SMCO2: variants seen among roughly 807,000 people sequenced by gnomAD.
SMCO2 encodes single-pass membrane and coiled-coil domain-containing protein 2.
A neutral mutation model predicts 29.5 loss-of-function variants in SMCO2; 25 were observed. The observed-to-expected ratio is 0.85, with a 90% CI of 0.62 to 1.18. The LOEUF is 1.18. Among genes scored for constraint, SMCO2 ranks in the 50% most tolerant of loss-of-function variants. SMCO2 has a pLI of 0.00. For synonymous variants in SMCO2, 117 were observed against 123.3 expected (o/e 0.95, Z 0.34); for missense variants, 348 against 344.5 (o/e 1.01, Z -0.08).
chr12:27,497,481 C>A, intron 7 of SMCO2: 1 of 194,936 alleles, frequency 5.1e-6, no homozygotes, highest in South Asian at 1.1e-4. Flanking sequence ...TAGCTCATGC[C>A]TATAATCCAA....
chr12:27,434,832 G>A, the SMCO2 span, among the ~76,000 whole-genome samples: 1 of 152,082 alleles, frequency 6.6e-6, no homozygotes, highest in Non-Finnish European at 1.5e-5. Context: ...GAGATGGAAG[G>A]GGTGTCCCAC....
chr12:27,435,930 T>C, the SMCO2 span, among the ~76,000 whole-genome samples: 1 of 152,230 alleles, frequency 6.6e-6, no homozygotes, highest in South Asian at 2.1e-4. Context: ...AAAAATACCA[T>C]AGACTAGATT....
At chr12:27,465,703 C>T (rs1949493676), upstream of SMCO2, among the ~76,000 whole-genome samples, 1 of 152,214 alleles carries the variant, frequency 6.6e-6, no homozygotes, top group Admixed American at 6.5e-5. Flanking sequence ...TCACCTGGTG[C>T]CTTTAACTTC....
the SMCO2 span, among the ~76,000 whole-genome samples, chr12:27,431,944 A>G: frequency 1.3e-5 from 2 of 152,000 alleles, no homozygotes; most frequent in African/African-American, 2.4e-5. Context: ...TTATACTCCT[A>G]TTATTCTGTT....
At chr12:27,498,131 G>T in intron 7 of SMCO2, 1 of 358,906 alleles carries the variant, frequency 2.8e-6, no homozygotes, top group South Asian at 3.0e-5. Flanking sequence ...CAAATAAACT[G>T]AACTTTCCCA....
At chr12:27,460,290 C>T in the SMCO2 span, among the ~76,000 whole-genome samples, 6,117 of 152,236 alleles carry the variant, frequency 0.04, 333 homozygotes, top group African/African-American at 0.12. Context: ...GGGGCACCAA[C>T]CCCACACACA....
At chr12:27,483,349 T>C (rs954159137) in intron 4 of SMCO2, among the ~76,000 whole-genome samples, 1 of 152,196 alleles carries the variant, frequency 6.6e-6, no homozygotes, top group Non-Finnish European at 1.5e-5. Flanking sequence ...GTTGCATGAA[T>C]GTTAGGACTG....
At chr12:27,457,238 C>A in the SMCO2 span, among the ~76,000 whole-genome samples, 1 of 152,196 alleles carries the variant, frequency 6.6e-6, no homozygotes, top group South Asian at 2.1e-4. Context: ...TGAAGGCCTG[C>A]GATCTGTGCA....
At chr12:27,442,143 C>T in the SMCO2 span, among the ~76,000 whole-genome samples, 3 of 151,946 alleles carry the variant, frequency 2.0e-5, no homozygotes, top group Non-Finnish European at 2.9e-5. Flanking sequence ...TGATGTACCT[C>T]AAGGAATTAG....
chr12:27,494,741 G>A (rs1451073895), intron 6 of SMCO2, among the ~76,000 whole-genome samples: 1 of 151,954 alleles, frequency 6.6e-6, no homozygotes, highest in African/African-American at 2.4e-5. Flanking sequence ...CCACTTATGA[G>A]TGTGAACATG....
chr12:27,466,074 A>C (rs917492047), upstream of SMCO2, among the ~76,000 whole-genome samples: 2 of 152,196 alleles, frequency 1.3e-5, no homozygotes, highest in Non-Finnish European at 2.9e-5. Flanking sequence ...AGGAACTTCG[A>C]AGGAGACGAG....
chr12:27,430,846 G>A, the SMCO2 span, among the ~76,000 whole-genome samples: 31 of 152,122 alleles, frequency 2.0e-4, no homozygotes, highest in Admixed American at 4.6e-4. Context: ...TTACCCCACC[G>A]CTCATAAGCA....
At chr12:27,460,260 C>A in the SMCO2 span, among the ~76,000 whole-genome samples, 1 of 152,098 alleles carries the variant, frequency 6.6e-6, no homozygotes, top group Non-Finnish European at 1.5e-5. Context: ...AGAGTTGACC[C>A]TTGCACAATG....
chr12:27,446,220 G>A, the SMCO2 span, among the ~76,000 whole-genome samples: 3 of 152,140 alleles, frequency 2.0e-5, no homozygotes, highest in Non-Finnish European at 4.4e-5. Flanking sequence ...CCTTCTTAAT[G>A]TGTCCTCACA....
At chr12:27,438,005 T>C in the SMCO2 span, among the ~76,000 whole-genome samples, 1 of 152,214 alleles carries the variant, frequency 6.6e-6, no homozygotes, top group Non-Finnish European at 1.5e-5. Flanking sequence ...TGGGTTTTTA[T>C]AAGACTTGCC....
chr12:27,495,644 AT>A (rs1942990107), intron 6 of SMCO2, 35 bp from the exon 8 acceptor site: 4 of 1,426,500 alleles, frequency 2.8e-6, no homozygotes, highest in South Asian at 1.6e-5. Context: ...GACATTTAGA[AT>A]TTTTTTAAGG....
At chr12:27,472,559 T>C (rs1949550030) in intron 2 of SMCO2, among the ~76,000 whole-genome samples, 1 of 152,172 alleles carries the variant, frequency 6.6e-6, no homozygotes, top group Non-Finnish European at 1.5e-5. Flanking sequence ...AATTTATGGA[T>C]TCAGCCAATT....
chr12:27,452,828 C>A, the SMCO2 span, among the ~76,000 whole-genome samples: 1 of 152,130 alleles, frequency 6.6e-6, no homozygotes, highest in Non-Finnish European at 1.5e-5. Flanking sequence ...TGGGGAGATG[C>A]CCAGTAGTGG....
At chr12:27,464,006 G>C (rs1415864460), upstream of SMCO2, among the ~76,000 whole-genome samples, 1 of 152,192 alleles carries the variant, frequency 6.6e-6, no homozygotes, top group African/African-American at 2.4e-5. Context: ...TTTCCTCAAA[G>C]AAATTGGGAG....
Sources: allele counts gnomAD v4.1 joint callset (sites outside exome capture counted in the v4.1 genomes callset), GRCh38; gene constraint gnomAD v4.1.1; transcripts MANE v1.5; gene names NCBI Gene and HGNC (gene_info 2026-07-23, HGNC 2026-07-21).